The following PGBD2 variants were observed in gnomAD, a reference collection of about 807,000 sequenced individuals.
PGBD2 encodes the protein piggyBac transposable element derived 2, also known as piggyBac transposable element-derived protein 2.
In PGBD2, 6 loss-of-function variants were observed where a neutral mutation model predicts 8.1. That is an observed-to-expected ratio of 0.74 (90% CI 0.40 to 1.46). The LOEUF is 1.46. Among genes scored for constraint, PGBD2 ranks in the 40% most tolerant of loss-of-function variants. The probability of loss-of-function intolerance (pLI) is 0.02; values close to 1 mark genes in which losing one functional copy is unlikely to be tolerated. For synonymous variants in PGBD2, 318 were observed against 272.2 expected (o/e 1.17, Z -1.66); for missense variants, 802 against 739.0 (o/e 1.09, Z -0.99).
At chr1:248,880,898 A>AT in the PGBD2 span, among the ~76,000 whole-genome samples, 1 of 151,772 alleles carries the variant, frequency 6.6e-6, no homozygotes, top group Non-Finnish European at 1.5e-5. Flanking sequence ...ATTAATTGGG[A>AT]TTTTTTCCTG....
the PGBD2 span, among the ~76,000 whole-genome samples, chr1:248,929,254 T>C: frequency 1.3e-5 from 2 of 152,208 alleles, no homozygotes; most frequent in Non-Finnish European, 2.9e-5. Context: ...CATCTGCTTT[T>C]ATTGTAGGGA....
chr1:248,902,164 G>T (rs146601591), upstream of PGBD2, among the ~76,000 whole-genome samples: 812 of 152,052 alleles, frequency 5.3e-3, 4 homozygotes, highest in Middle Eastern at 0.014. Flanking sequence ...AGCTACTTGG[G>T]AGGCTGAGGC....
At chr1:248,872,940 C>A in the PGBD2 span, among the ~76,000 whole-genome samples, 3 of 152,186 alleles carry the variant, frequency 2.0e-5, no homozygotes, top group Admixed American at 6.5e-5. Context: ...TTTAGTGAGG[C>A]CTTACTTAAC....
chr1:248,910,176 C>T (rs1184640371), intron 1 of PGBD2, among the ~76,000 whole-genome samples: 1 of 152,134 alleles, frequency 6.6e-6, no homozygotes, highest in African/African-American at 2.4e-5. Flanking sequence ...ACTGATGCAT[C>T]CTTAATCAAA....
chr1:248,889,372 G>A, the PGBD2 span, among the ~76,000 whole-genome samples: 4 of 152,034 alleles, frequency 2.6e-5, no homozygotes, highest in Non-Finnish European at 5.9e-5. Context: ...GTGACGGAGC[G>A]AGACTTCTCC....
At chr1:248,913,257 G>A (rs1661975507) in intron 1 of PGBD2, among the ~76,000 whole-genome samples, 1 of 151,938 alleles carries the variant, frequency 6.6e-6, no homozygotes, top group African/African-American at 2.4e-5. Context: ...TCCAGTTCTG[G>A]TTTTATACTC....
At position 248,918,283 on chromosome 1, in the gene PGBD2, C is replaced by T; in HGVS notation, c.1699C>T (p.His567Tyr). Residue 567 changes from histidine to tyrosine, a missense_variant, in exon 3 of 3, where the codon CAC becomes TAC. Coordinates refer to ENST00000329291, the MANE Select transcript of PGBD2 (RefSeq NM_170725.3). Reference protein sequence around the residue: ...QDKRTRCALCHSQTNTRCEKC... With the variant: ...QDKRTRCALCYSQTNTRCEKC... ...CAAGAGGACCCGGTGTGCCCTCTGC[C>T]ACTCACAGACCAACACCCGGTGTGA... 1 of 1,606,170 alleles carries T rather than the reference C, an allele frequency of 6.2e-7. No individual in the cohort carries two copies. The highest frequency in any genetic ancestry group is 8.5e-7 in the Non-Finnish European group (1 of 1,175,776).
chr1:248,900,342 C>G, the PGBD2 span, among the ~76,000 whole-genome samples: 1 of 152,108 alleles, frequency 6.6e-6, no homozygotes, highest in East Asian at 1.9e-4. Flanking sequence ...AAAAAATACT[C>G]AATAAAATAC....
At chr1:248,922,851 C>T (rs187136299), downstream of PGBD2, among the ~76,000 whole-genome samples, 103 of 152,218 alleles carry the variant, frequency 6.8e-4, no homozygotes, top group African/African-American at 2.3e-3. Context: ...CTGCTGGACT[C>T]GGTTTGCCAG....
chr1:248,907,450 C>G (rs979340671), intron 1 of PGBD2, among the ~76,000 whole-genome samples: 12 of 152,232 alleles, frequency 7.9e-5, no homozygotes, highest in African/African-American at 2.2e-4. Flanking sequence ...AGAGGCTTTC[C>G]TCTTTTACTA....
At chr1:248,911,509 G>A (rs1477590898) in intron 1 of PGBD2, among the ~76,000 whole-genome samples, 3 of 145,822 alleles carry the variant, frequency 2.1e-5, no homozygotes. Flanking sequence ...AGTCTCCCAT[G>A]TCTACTTCTT....
downstream of PGBD2, among the ~76,000 whole-genome samples, chr1:248,924,322 G>T (rs1344034283): frequency 6.6e-6 from 1 of 152,236 alleles, no homozygotes; most frequent in Non-Finnish European, 1.5e-5. Flanking sequence ...CCAAGCCAGG[G>T]TGTGTAATTC....
At chr1:248,899,798 A>G in the PGBD2 span, among the ~76,000 whole-genome samples, 467 of 128,980 alleles carry the variant, frequency 3.6e-3, no homozygotes, top group African/African-American at 0.013. Flanking sequence ...TTTTTTTGGG[A>G]AAAAAAAAAA....
chr1:248,929,875 A>G, the PGBD2 span, among the ~76,000 whole-genome samples: 1 of 152,160 alleles, frequency 6.6e-6, no homozygotes, highest in Non-Finnish European at 1.5e-5. Context: ...TCTCCCTAGA[A>G]TGGGGTCAAG....
upstream of PGBD2, among the ~76,000 whole-genome samples, chr1:248,902,546 C>T (rs145193511): frequency 6.6e-6 from 1 of 152,294 alleles, no homozygotes; most frequent in African/African-American, 2.4e-5. Context: ...ACCATGCATG[C>T]ATATGTTCAT....
chr1:248,928,226 A>G, the PGBD2 span, among the ~76,000 whole-genome samples: 1 of 152,146 alleles, frequency 6.6e-6, no homozygotes, highest in Non-Finnish European at 1.5e-5. Flanking sequence ...TGGTATCTAG[A>G]GAGGTGAGAT....
rs747241075 is a variant in PGBD2 at position 248,917,970 on chromosome 1, C to T, written c.1386C>T (p.Gly462=). The change falls in exon 3 of 3, where the codon GGC becomes GGT. Residue 462 remains glycine (G), a synonymous_variant. Coordinates refer to ENST00000329291, the MANE Select transcript of PGBD2 (RefSeq NM_170725.3). The part of the protein sequence containing the change: ...LVKLYQEKVG[G]VGRMDQNIAK... Reference sequence around the variant, plus strand: ...AGCTGTATCAGGAGAAGGTGGGTGGCGTTGGTAGGATGGATCAGAATATTG... The same window carrying T: ...AGCTGTATCAGGAGAAGGTGGGTGGTGTTGGTAGGATGGATCAGAATATTG... The T allele has an allele frequency of 5.0e-6, 8 of 1,613,996 alleles. No homozygotes were observed. The African/African-American group carries it at 5.3e-5, about 11-fold the overall frequency.
At chr1:248,902,368 G>A (rs758078025), upstream of PGBD2, among the ~76,000 whole-genome samples, 1 of 152,002 alleles carries the variant, frequency 6.6e-6, no homozygotes, top group East Asian at 1.9e-4. Context: ...AGGTTGCAGA[G>A]AAATCAGAAT....
chr1:248,916,473 C>T, intron 2 of PGBD2, 129 bp from the exon 3 acceptor site: 1 of 705,252 alleles, frequency 1.4e-6, no homozygotes, highest in East Asian at 2.7e-5. Context: ...AAATGCGGTG[C>T]CTTGTGATGC....
Sources: gnomAD v4.1 joint callset for allele counts (sites outside exome capture counted in the v4.1 genomes callset) on GRCh38, gnomAD v4.1.1 for gene constraint, MANE v1.5 for transcripts, NCBI Gene and HGNC (gene_info 2026-07-23, HGNC 2026-07-21) for gene names.